The following SMURF1 variants were observed in gnomAD, a reference collection of about 807,000 sequenced individuals.
SMURF1 encodes SMAD specific E3 ubiquitin protein ligase 1.
A neutral mutation model predicts 98.0 loss-of-function variants in SMURF1; 44 were observed. That is an observed-to-expected ratio of 0.45 (90% CI 0.35 to 0.58). SMURF1 has a LOEUF of 0.58. Among genes scored for constraint, SMURF1 ranks in the 20% least tolerant of loss-of-function variants. The pLI is 0.00. For synonymous variants in SMURF1, 396 were observed against 374.9 expected, an observed-to-expected ratio of 1.06 and a Z score of -0.65; for missense variants, 687 against 938.4, an observed-to-expected ratio of 0.73 and a Z score of 3.50.
chr7:99,119,076 G>C (rs1258079550), intron 1 of SMURF1, among the ~76,000 whole-genome samples: 1 of 118,268 alleles, frequency 8.5e-6, no homozygotes, highest in East Asian at 2.5e-4. Flanking sequence ...TGCCCAGCCT[G>C]GTCTTGAATT....
At chr7:99,112,083 T>C (rs1245551949) in intron 1 of SMURF1, among the ~76,000 whole-genome samples, 1 of 152,158 alleles carries the variant, frequency 6.6e-6, no homozygotes, top group Non-Finnish European at 1.5e-5. Context: ...TGAGATACTT[T>C]AGGGAATATG....
At chr7:99,134,609 T>C (rs1797946058) in intron 1 of SMURF1, among the ~76,000 whole-genome samples, 1 of 152,194 alleles carries the variant, frequency 6.6e-6, no homozygotes, top group Admixed American at 6.5e-5. Flanking sequence ...TTAAAGCACT[T>C]CTAAAATTAA....
At chr7:99,057,592 T>C in intron 3 of SMURF1, 41 bp from the exon 4 acceptor site, 1 of 1,411,444 alleles carries the variant, frequency 7.1e-7, no homozygotes, top group Non-Finnish European at 9.1e-7. Flanking sequence ...TTGTGTTTGG[T>C]TTTTTTTGTT....
intron 14 of SMURF1, among the ~76,000 whole-genome samples, chr7:99,037,599 C>T (rs1795195797): frequency 6.6e-6 from 1 of 152,218 alleles, no homozygotes; most frequent in Admixed American, 6.5e-5. Flanking sequence ...CCCCCCACTC[C>T]CCGGATCTCT....
rs927888268 is a variant in SMURF1 at position 99,119,286 on chromosome 7, G to A, written c.55+24440C>T. On this transcript the variant is annotated intron_variant, in intron 1 of 17. Transcript: ENST00000361368. ...GAGAACTTGAAGGCAAAGGCCAGGCGTGAAGAGATTTCCTTTCCAAATAAG... is the reference window on the plus strand; with the variant it reads ...GAGAACTTGAAGGCAAAGGCCAGGCATGAAGAGATTTCCTTTCCAAATAAG... Among the ~76,000 whole-genome samples, 8 of 152,144 alleles carry A rather than the reference G, an allele frequency of 5.3e-5. 1 individual carries two copies. In the East Asian group the frequency reaches 1.4e-3, roughly 26 times the overall value.
intron 1 of SMURF1, among the ~76,000 whole-genome samples, chr7:99,101,821 G>A (rs867002231): frequency 6.6e-6 from 1 of 152,140 alleles, no homozygotes. Flanking sequence ...GCGCCTGTAA[G>A]CTATTGGGAA....
chr7:99,124,550 G>A (rs142384681), intron 1 of SMURF1, among the ~76,000 whole-genome samples: 66 of 152,098 alleles, frequency 4.3e-4, no homozygotes, highest in African/African-American at 1.4e-3. Flanking sequence ...CTCTCTACCT[G>A]AACAGTTCCC....
Position 99,030,262 on chromosome 7 carries a change from G to C in SMURF1, c.*322C>G, listed in dbSNP as rs1794828278. ...AGTTGATGCTCCCGTAAAGAGCTCA[G>C]GGCTGTGAGCCTTATCACCACATGG... On this transcript the variant is annotated 3_prime_UTR_variant, in exon 18 of 18. Transcript: ENST00000361368. 6.6e-6 allele frequency: 2 copies of C among 303,288 alleles called. No individual in the cohort carries two copies. Among genetic ancestry groups the C allele is most frequent in the Non-Finnish European group, 1.3e-5 (2 of 159,104 alleles). The allele number at this position is 303,288 out of a possible 1,614,324, so 18.8% of individuals were successfully genotyped here.
chr7:99,111,900 C>T (rs1294054875), intron 1 of SMURF1, among the ~76,000 whole-genome samples: 5 of 152,138 alleles, frequency 3.3e-5, no homozygotes, highest in Non-Finnish European at 7.3e-5. Flanking sequence ...TCTCCCAGGG[C>T]TAAGGTAGAT....
intron 1 of SMURF1, among the ~76,000 whole-genome samples, chr7:99,108,258 C>T (rs2086768076): frequency 6.6e-6 from 1 of 151,880 alleles, no homozygotes; most frequent in African/African-American, 2.4e-5. Context: ...CGCTCTGTCG[C>T]CCAGGCTGGA....
chr7:99,115,429 C>CA (rs1213933274), intron 1 of SMURF1, among the ~76,000 whole-genome samples: 1 of 151,886 alleles, frequency 6.6e-6, no homozygotes, highest in Admixed American at 6.6e-5. Context: ...CCTGTCTCTA[C>CA]AAAAAAGACA....
chr7:99,114,692 T>C (rs1182210405), intron 1 of SMURF1, among the ~76,000 whole-genome samples: 2 of 152,174 alleles, frequency 1.3e-5, no homozygotes, highest in Admixed American at 6.5e-5. Flanking sequence ...TACCCAACAG[T>C]AGCAGAAAGT....
chr7:99,132,887 G>A (rs1017688091), intron 1 of SMURF1, among the ~76,000 whole-genome samples: 2 of 152,082 alleles, frequency 1.3e-5, no homozygotes, highest in African/African-American at 2.4e-5. Flanking sequence ...AGCTGCTGGA[G>A]GGCTTTAAGG....
chr7:99,091,762 T>C (rs894330785), intron 1 of SMURF1, among the ~76,000 whole-genome samples: 4 of 152,198 alleles, frequency 2.6e-5, no homozygotes, highest in African/African-American at 7.2e-5. Context: ...TGCCCTAATG[T>C]CTCCAGCTCT....
At chr7:99,043,000 G>A (rs1221809276) in intron 11 of SMURF1, among the ~76,000 whole-genome samples, 4 of 152,308 alleles carry the variant, frequency 2.6e-5, no homozygotes, top group East Asian at 1.9e-4. Context: ...ATGAGACTCC[G>A]AATCCTATAA....
chr7:99,083,112 A>T (rs1212349510), intron 1 of SMURF1, among the ~76,000 whole-genome samples: 1 of 152,134 alleles, frequency 6.6e-6, no homozygotes, highest in East Asian at 1.9e-4. Flanking sequence ...TTCTTTTGGG[A>T]GTAAAGAAAA....
At chr7:99,051,239 A>C in intron 8 of SMURF1, 118 bp downstream of exon 8, 1 of 912,750 alleles carries the variant, frequency 1.1e-6, no homozygotes, top group Non-Finnish European at 1.8e-6. Context: ...AGACATCAAT[A>C]TCATCTCATT....
chr7:99,119,632 A>G (rs1267717561), intron 1 of SMURF1, among the ~76,000 whole-genome samples: 1 of 152,226 alleles, frequency 6.6e-6, no homozygotes, highest in Non-Finnish European at 1.5e-5. Flanking sequence ...AGCCTGCTCA[A>G]TGATAAGCTC....
intron 1 of SMURF1, among the ~76,000 whole-genome samples, chr7:99,113,252 CAAAG>C (rs1478002454): frequency 2.0e-5 from 3 of 152,004 alleles, no homozygotes; most frequent in South Asian, 2.1e-4. Context: ...ATGACAAAGA[CAAAG>C]AGAGAATCCT....
Sources: allele counts gnomAD v4.1 joint callset (sites outside exome capture counted in the v4.1 genomes callset), GRCh38; gene constraint gnomAD v4.1.1; transcripts MANE v1.5; gene names NCBI Gene and HGNC (gene_info 2026-07-23, HGNC 2026-07-21).